Variants in CRTC3 observed in about 807,000 individuals in gnomAD.
The protein encoded by CRTC3 is CREB regulated transcription coactivator 3.
In CRTC3, 26 loss-of-function variants were observed where a neutral mutation model predicts 74.5. The ratio of observed to expected loss-of-function variants is 0.35; its 90% confidence interval spans 0.26 to 0.48. The LOEUF is 0.48. Among genes scored for constraint, CRTC3 ranks in the 20% least tolerant of loss-of-function variants. The pLI is 0.99. For synonymous variants in CRTC3, 377 were observed against 325.8 expected, an observed-to-expected ratio of 1.16 and a Z score of -1.69; for missense variants, 760 against 787.3, an observed-to-expected ratio of 0.97 and a Z score of 0.41.
intron 13 of CRTC3, 109 bp from the exon 14 acceptor site, chr15:90,640,988 T>C: frequency 2.8e-6 from 2 of 717,130 alleles, no homozygotes. Flanking sequence ...AAGAAGGGAA[T>C]ATGGATTAGT....
At position 90,638,573 on chromosome 15, in the gene CRTC3, C is replaced by G; in HGVS notation, c.1394C>G (p.Pro465Arg). The G allele has an allele frequency of 6.2e-7, 1 of 1,613,196 alleles. No individual in the cohort carries two copies. Among genetic ancestry groups the G allele is most frequent in the Non-Finnish European group, 8.5e-7 (1 of 1,179,980 alleles). ...TQPLLQQPRA[P>R]EAPAQQPQAA... The stretch of plus-strand genomic sequence containing the variant: ...CCCCTCCTGCAGCAGCCCCGCGCCC[C>G]TGAGGCCCCTGCCCAGCAGCCCCAG... Residue 465 changes from proline to arginine, a missense_variant, in exon 12 of 15, where the codon CCT becomes CGT. Physicochemically the swap from Pro to Arg is moderately radical, Grantham distance 103 (BLOSUM62 -2). This residue lies in a region of CRTC3 where 652 missense variants were observed against 635.2 expected (regional missense o/e 1.03). Coordinates refer to ENST00000268184, the MANE Select transcript of CRTC3 (RefSeq NM_022769.5).
At chr15:90,564,408 A>C (rs966658793) in intron 2 of CRTC3, among the ~76,000 whole-genome samples, 13 of 152,248 alleles carry the variant, frequency 8.5e-5, no homozygotes, top group Admixed American at 1.3e-4. Flanking sequence ...ACAAGAAAAA[A>C]GTGTGCAAAT....
rs951989818 is a variant in CRTC3 at position 90,643,725 on chromosome 15, G to T, written c.*1585G>T. The T allele has an allele frequency of 2.6e-5, 6 of 232,710 alleles. No homozygotes were observed. Among genetic ancestry groups the T allele is most frequent in the African/African-American group, 1.1e-4 (5 of 45,240 alleles). The allele number at this position is 232,710 out of a possible 1,614,324, so 14.4% of individuals were successfully genotyped here. A position where few individuals can be genotyped will look rare whatever the true frequency, so the allele number is the denominator to read the frequency against. On this transcript the variant is annotated 3_prime_UTR_variant, in exon 15 of 15. Coordinates refer to ENST00000268184, the MANE Select transcript of CRTC3 (RefSeq NM_022769.5). ...TTTGAAGGGGGCAGAGCACTGCAGG[G>T]GGAGGGGGGGGTCTAGGCTGTGAGA...
intron 2 of CRTC3, among the ~76,000 whole-genome samples, chr15:90,572,235 T>C (rs931337114): frequency 2.0e-5 from 3 of 151,550 alleles, no homozygotes; most frequent in African/African-American, 7.3e-5. Flanking sequence ...TAAAGATATA[T>C]ATTCTTTCTA....
In CRTC3 at chr15:90,541,767, G is replaced by C. The variant is rs77891649; in HGVS notation, c.231+1630G>C. On this transcript the variant is annotated intron_variant, in intron 2 of 14. Transcript: ENST00000268184. Reference sequence around the variant, plus strand: ...GGAATGGGATAAAATGATAATCCTTGGCCTTCCCAGGATTCTTTTTTTCTT... The same window carrying C: ...GGAATGGGATAAAATGATAATCCTTCGCCTTCCCAGGATTCTTTTTTTCTT... 4.4e-3 allele frequency among the ~76,000 whole-genome samples: 651 copies of C among 149,290 alleles called. 4 individuals carry two copies. The highest frequency in any genetic ancestry group is 0.032 in the East Asian group (163 of 5,128).
At chr15:90,622,943 C>T (rs1271673045) in intron 9 of CRTC3, among the ~76,000 whole-genome samples, 1 of 152,192 alleles carries the variant, frequency 6.6e-6, no homozygotes, top group Non-Finnish European at 1.5e-5. Flanking sequence ...GGTTGGACAC[C>T]TCTCCTGCTG....
In CRTC3 at chr15:90,593,873, G is replaced by A. The variant is rs1001431901; in HGVS notation, c.351+118G>A. 32 of 1,046,000 alleles carry A rather than the reference G, an allele frequency of 3.1e-5. No homozygotes were observed. The African/African-American group carries it at 4.9e-4, about 16-fold the overall frequency. The allele number at this position is 1,046,000 out of a possible 1,614,324, so 64.8% of individuals were successfully genotyped here. A position where few individuals can be genotyped will look rare whatever the true frequency, so the allele number is the denominator to read the frequency against. On this transcript the variant is annotated intron_variant, in intron 3 of 14. Transcript: ENST00000268184. ...AGAATCTTCATTTATCTGATGAAAG[G>A]AGGCAATACAAATAAATGAGTTGGA...
At chr15:90,619,692 G>A (rs1968590050) in intron 8 of CRTC3, 49 bp from the exon 9 acceptor site, 3 of 1,566,076 alleles carry the variant, frequency 1.9e-6, no homozygotes, top group African/African-American at 1.4e-5. Context: ...TCAAAAACTT[G>A]AATTTGGCTT....
intron 14 of CRTC3, 30 bp from the exon 15 acceptor site, chr15:90,641,902 A>T: frequency 6.2e-7 from 1 of 1,606,010 alleles, no homozygotes; most frequent in Non-Finnish European, 8.5e-7. Context: ...TCCTAACCGC[A>T]CTGTTTTCCC....
intron 3 of CRTC3, chr15:90,598,945 A>T: frequency 5.6e-6 from 1 of 177,176 alleles, no homozygotes; most frequent in Admixed American, 5.8e-5. Context: ...CACCCCCTCC[A>T]CCTGCTCACA....
rs556257592 is a variant in CRTC3, at chr15:90,578,489, G to A, written c.232-15147G>A. ...GAATTGCTCGAACCCGGGAGACAGA[G>A]GGTATAGTAAGCTGAGATCGCAACA... On this transcript the variant is annotated intron_variant, in intron 2 of 14. Coordinates refer to ENST00000268184, the MANE Select transcript of CRTC3 (RefSeq NM_022769.5). Among the ~76,000 whole-genome samples, 426 of 152,228 alleles carry A rather than the reference G, an allele frequency of 2.8e-3. 5 individuals carry two copies. The highest frequency in any genetic ancestry group is 9.6e-3 in the African/African-American group (398 of 41,550).
intron 2 of CRTC3, among the ~76,000 whole-genome samples, chr15:90,556,047 A>T (rs1037095158): frequency 1.3e-5 from 2 of 152,108 alleles, no homozygotes; most frequent in Non-Finnish European, 2.9e-5. Flanking sequence ...ATGTATCTTT[A>T]TACAGGTGAT....
intron 11 of CRTC3, among the ~76,000 whole-genome samples, chr15:90,633,024 C>T (rs1330104817): frequency 1.3e-5 from 2 of 152,210 alleles, no homozygotes; most frequent in African/African-American, 4.8e-5. Flanking sequence ...GACTCCACCA[C>T]ACACATATGT....
chr15:90,627,967 C>T (rs1449546633), intron 10 of CRTC3, among the ~76,000 whole-genome samples: 1 of 146,408 alleles, frequency 6.8e-6, no homozygotes, highest in African/African-American at 2.5e-5. Flanking sequence ...CCTGTAATCC[C>T]GGCACTTTGG....
chr15:90,535,332 T>C (rs1966701474), intron 1 of CRTC3, among the ~76,000 whole-genome samples: 1 of 151,748 alleles, frequency 6.6e-6, no homozygotes, highest in Non-Finnish European at 1.5e-5. Context: ...GAGGAGGGAA[T>C]GCCGACCAGC....
At chr15:90,550,858 G>GAGCT (rs112099648) in intron 2 of CRTC3, among the ~76,000 whole-genome samples, 14,007 of 151,990 alleles carry the variant, frequency 0.092, 723 homozygotes, top group Middle Eastern at 0.15. Context: ...AGGGAAGGAT[G>GAGCT]AGCTCTGCCT....
intron 6 of CRTC3, among the ~76,000 whole-genome samples, chr15:90,613,070 C>T (rs1257592190): frequency 2.0e-5 from 3 of 151,698 alleles, no homozygotes; most frequent in African/African-American, 4.8e-5. Context: ...CCTGGTGGCA[C>T]GCGCCTGTAA....
chr15:90,581,219 A>G (rs1967533442), intron 2 of CRTC3, among the ~76,000 whole-genome samples: 1 of 152,234 alleles, frequency 6.6e-6, no homozygotes, highest in Admixed American at 6.5e-5. Context: ...CAGACAGAAC[A>G]GGACAAGGAC....
chr15:90,636,822 A>G (rs1461146113), intron 11 of CRTC3, among the ~76,000 whole-genome samples: 2 of 152,286 alleles, frequency 1.3e-5, no homozygotes, highest in Non-Finnish European at 2.9e-5. Context: ...ATCACTGGCC[A>G]TCAGAGAAAT....
Sources: allele counts gnomAD v4.1 joint callset (sites outside exome capture counted in the v4.1 genomes callset), GRCh38; gene constraint gnomAD v4.1.1; regional missense constraint gnomAD v4.1.1; transcripts MANE v1.5; gene names NCBI Gene and HGNC (gene_info 2026-07-23, HGNC 2026-07-21).